The following PRKG1 variants were observed in gnomAD, a reference collection of about 807,000 sequenced individuals.
PRKG1 encodes protein kinase cGMP-dependent 1.
Under a neutral mutation model 88.1 loss-of-function variants are expected in PRKG1, and 35 were observed. That is an observed-to-expected ratio of 0.40 (90% CI 0.30 to 0.53). The LOEUF (loss-of-function observed/expected upper bound fraction) is 0.53, where lower values mean the gene tolerates loss of function less well. Ranked by LOEUF, PRKG1 falls within the 20% of genes least tolerant of loss-of-function variation. The pLI is 0.59. For missense variants in PRKG1, 540 were observed against 839.8 expected, an observed-to-expected ratio of 0.64 and a Z score of 4.41; for synonymous variants, 303 against 292.5, an observed-to-expected ratio of 1.04 and a Z score of -0.37.
rs144708724 is a variant in PRKG1, at chr10:51,493,597, C to T, written c.592+25761C>T. Among the ~76,000 whole-genome samples the T allele has an allele frequency of 3.9e-3, 595 of 152,188 alleles. 2 individuals are homozygous for T. The highest frequency in any genetic ancestry group is 6.8e-3 in the Middle Eastern group (2 of 294). Reference sequence around the variant, plus strand: ...AGAATAAATGAGTCAAGATTCTTCGCTTGGATTGATAGTGGTTCCACTGGC... The same window carrying T: ...AGAATAAATGAGTCAAGATTCTTCGTTTGGATTGATAGTGGTTCCACTGGC... On this transcript the variant is annotated intron_variant, in intron 3 of 17. Coordinates refer to ENST00000373980, the MANE Select transcript of PRKG1 (RefSeq NM_006258.4).
intron 3 of PRKG1, among the ~76,000 whole-genome samples, chr10:51,690,676 C>T (rs564263752): frequency 2.6e-5 from 4 of 151,972 alleles, no homozygotes; most frequent in African/African-American, 9.6e-5. Context: ...ACCTGTAATC[C>T]CAGCACTTTG....
intron 2 of PRKG1, among the ~76,000 whole-genome samples, chr10:51,274,656 CAG>C (rs1840068628): frequency 6.6e-6 from 1 of 152,166 alleles, no homozygotes; most frequent in African/African-American, 2.4e-5. Context: ...TGTTTGAAGA[CAG>C]AGCAGGGCTG....
chr10:51,989,967 T>C (rs1844260848), intron 5 of PRKG1, among the ~76,000 whole-genome samples: 1 of 152,120 alleles, frequency 6.6e-6, no homozygotes, highest in African/African-American at 2.4e-5. Context: ...TTTAATCCCT[T>C]TTAAGTTGTT....
chr10:51,424,490 G>C (rs1223520597), intron 2 of PRKG1, among the ~76,000 whole-genome samples: 1 of 152,036 alleles, frequency 6.6e-6, no homozygotes, highest in Non-Finnish European at 1.5e-5. Context: ...AAAATGATTT[G>C]AACTGTTGCC....
intron 9 of PRKG1, among the ~76,000 whole-genome samples, chr10:52,225,303 T>A (rs1840364061): frequency 6.6e-6 from 1 of 152,184 alleles, no homozygotes; most frequent in Non-Finnish European, 1.5e-5. Context: ...TGTGTATTCA[T>A]ATTCTTAGCC....
chr10:52,278,961 T>TA (rs1841939107), intron 12 of PRKG1, among the ~76,000 whole-genome samples: 1 of 152,072 alleles, frequency 6.6e-6, no homozygotes, highest in African/African-American at 2.4e-5. Context: ...CCATTCCCTT[T>TA]ACTCTTTCAT....
chr10:51,205,214 G>A (rs1294192472), intron 2 of PRKG1, among the ~76,000 whole-genome samples: 2 of 130,718 alleles, frequency 1.5e-5, no homozygotes, highest in Non-Finnish European at 1.5e-5. Flanking sequence ...ATCTTGGCTC[G>A]CTACCACCTC....
At chr10:52,212,573 A>T (rs1159426209) in intron 9 of PRKG1, among the ~76,000 whole-genome samples, 2 of 151,588 alleles carry the variant, frequency 1.3e-5, no homozygotes, top group Middle Eastern at 3.2e-3. Flanking sequence ...TAGCTTTTCT[A>T]TCTTTTCATC....
rs1284789451 is a variant in PRKG1, at chr10:51,229,498, A to T, written c.478+76168A>T. On this transcript the variant is annotated intron_variant, in intron 2 of 17. Coordinates refer to ENST00000373980, the MANE Select transcript of PRKG1 (RefSeq NM_006258.4). ...CAAGGGTGGAAGTGGTGAAGCTCAG[A>T]GCTAGATAACCTTAATTTCAGATCC... Among the ~76,000 whole-genome samples the T allele has an allele frequency of 2.6e-5, 4 of 151,934 alleles. No homozygotes were observed. The East Asian group carries it at 7.7e-4, about 29-fold the overall frequency.
intron 1 of PRKG1, among the ~76,000 whole-genome samples, chr10:51,087,767 T>C (rs1844291671): frequency 1.3e-5 from 2 of 152,162 alleles, no homozygotes; most frequent in Admixed American, 6.5e-5. Context: ...TTTGGTTTGC[T>C]GTTTTGTTTT....
chr10:51,215,032 G>A (rs1055234591), intron 2 of PRKG1, among the ~76,000 whole-genome samples: 1 of 152,142 alleles, frequency 6.6e-6, no homozygotes, highest in East Asian at 1.9e-4. Flanking sequence ...GCAAGTTACA[G>A]CGTGGGCGGC....
intron 2 of PRKG1, among the ~76,000 whole-genome samples, chr10:51,354,996 T>TA (rs1227992927): frequency 6.6e-6 from 1 of 152,104 alleles, no homozygotes; most frequent in African/African-American, 2.4e-5. Flanking sequence ...CTCAGATGCA[T>TA]AAATTAGAGT....
At chr10:52,025,205 C>A (rs1481670455) in intron 5 of PRKG1, among the ~76,000 whole-genome samples, 1 of 152,026 alleles carries the variant, frequency 6.6e-6, no homozygotes, top group Admixed American at 6.6e-5. Flanking sequence ...TGTTTAAGTT[C>A]TTTGTAGATT....
intron 10 of PRKG1, among the ~76,000 whole-genome samples, chr10:52,259,361 G>A (rs1410697331): frequency 6.6e-6 from 1 of 151,980 alleles, no homozygotes; most frequent in Non-Finnish European, 1.5e-5. Flanking sequence ...TTCAAAGAGG[G>A]ATTCCTTCCA....
At chr10:51,486,881 G>A (rs1014833670) in intron 3 of PRKG1, among the ~76,000 whole-genome samples, 10 of 151,970 alleles carry the variant, frequency 6.6e-5, no homozygotes, top group African/African-American at 1.7e-4. Flanking sequence ...TCTACAGTGC[G>A]GTAGTTATTT....
In PRKG1 at chr10:51,289,268, C is replaced by G. The variant is rs1398458004; in HGVS notation, c.478+135938C>G. ...TGGTTTTTTGCTTAGGACCGCCTCT[C>G]TTACTGGGCACCACTGTCTGTTACC... is the stretch of plus-strand genomic sequence containing the variant. On this transcript the variant is annotated intron_variant, in intron 2 of 17. Transcript: ENST00000373980. Among the ~76,000 whole-genome samples, 3 of 152,118 alleles carry G rather than the reference C, an allele frequency of 2.0e-5. No homozygotes were observed. In the East Asian group the frequency reaches 5.8e-4, roughly 29 times the overall value.
intron 3 of PRKG1, among the ~76,000 whole-genome samples, chr10:51,705,363 A>T (rs1277806748): frequency 6.6e-6 from 1 of 152,230 alleles, no homozygotes; most frequent in South Asian, 2.1e-4. Flanking sequence ...CCAAGCACTT[A>T]GTAAATATTT....
At chr10:51,661,480 G>C (rs993439898) in intron 3 of PRKG1, among the ~76,000 whole-genome samples, 4 of 152,222 alleles carry the variant, frequency 2.6e-5, no homozygotes, top group Admixed American at 2.6e-4. Context: ...ATGAAAAAAT[G>C]CTCATCATCA....
intron 4 of PRKG1, among the ~76,000 whole-genome samples, chr10:51,826,200 G>T (rs1839878040): frequency 6.6e-6 from 1 of 152,080 alleles, no homozygotes; most frequent in Admixed American, 6.6e-5. Flanking sequence ...GGATAAGATA[G>T]AACAATTTAG....
Sources: gnomAD v4.1 joint callset for allele counts (sites outside exome capture counted in the v4.1 genomes callset) on GRCh38, gnomAD v4.1.1 for gene constraint, MANE v1.5 for transcripts, NCBI Gene and HGNC (gene_info 2026-07-23, HGNC 2026-07-21) for gene names.